The following PLEKHA5 variants were observed in gnomAD, a reference collection of about 807,000 sequenced individuals.
PLEKHA5 encodes pleckstrin homology domain-containing family A member 5.
PLEKHA5 carries 55 observed loss-of-function variants against 181.9 expected under a neutral mutation model. That is an observed-to-expected ratio of 0.30 (90% CI 0.24 to 0.38). The LOEUF is 0.38. Among genes scored for constraint, PLEKHA5 ranks in the 10% least tolerant of loss-of-function variants. The pLI is 1.00. For missense variants in PLEKHA5, 1,432 were observed against 1,549.5 expected (o/e 0.92, Z 1.27); for synonymous variants, 535 against 529.4 (o/e 1.01, Z -0.15).
chr12:19,286,244 C>G (rs1277509806), intron 12 of PLEKHA5, among the ~76,000 whole-genome samples: 1 of 152,054 alleles, frequency 6.6e-6, no homozygotes, highest in Non-Finnish European at 1.5e-5. Context: ...TTCCAGATGA[C>G]CAGTGTTTGA....
chr12:19,255,306 A>G, intron 5 of PLEKHA5, 141 bp downstream of exon 5: 1 of 473,572 alleles, frequency 2.1e-6, no homozygotes, highest in Non-Finnish European at 3.4e-6. Flanking sequence ...ATAAGAAGCA[A>G]CAGCCCGAAA....
chr12:19,184,693 T>G (rs529855260), intron 3 of PLEKHA5, among the ~76,000 whole-genome samples: 9 of 152,348 alleles, frequency 5.9e-5, no homozygotes, highest in South Asian at 4.1e-4. Context: ...ATGTTTGTTT[T>G]GAATATTTTG....
intron 6 of PLEKHA5, among the ~76,000 whole-genome samples, chr12:19,258,970 G>C (rs548727684): frequency 2.0e-4 from 31 of 152,168 alleles, no homozygotes; most frequent in African/African-American, 6.7e-4. Context: ...TACCCTAATG[G>C]CATTCCTTAT....
intron 25 of PLEKHA5, among the ~76,000 whole-genome samples, chr12:19,350,319 T>A (rs180781343): frequency 6.6e-6 from 1 of 152,324 alleles, no homozygotes; most frequent in Admixed American, 6.5e-5. Context: ...TCTGCCACTT[T>A]TAAAGGATTC....
intron 3 of PLEKHA5, among the ~76,000 whole-genome samples, chr12:19,172,972 T>C (rs2046272072): frequency 6.7e-6 from 1 of 150,194 alleles, no homozygotes; most frequent in African/African-American, 2.4e-5. Context: ...TTGTTTTTTT[T>C]TTTTTAAAGA....
intron 3 of PLEKHA5, among the ~76,000 whole-genome samples, chr12:19,172,571 C>T (rs1395907591): frequency 6.6e-6 from 1 of 152,150 alleles, no homozygotes; most frequent in African/African-American, 2.4e-5. Context: ...AAATTAAAAT[C>T]ACAGTTATAT....
chr12:19,205,787 T>C (rs1363325780), intron 3 of PLEKHA5, among the ~76,000 whole-genome samples: 1 of 152,132 alleles, frequency 6.6e-6, no homozygotes, highest in Non-Finnish European at 1.5e-5. Flanking sequence ...ATTTTTGTTC[T>C]TACATCTTAA....
In PLEKHA5 at chr12:19,277,719, A is replaced by G. The variant is rs532523998; in HGVS notation, c.1313+2736A>G. ...GGTGGAATGAAACAATTGTAATTCA[A>G]TATATAAATCATTTTTTAAAAAGCT... On this transcript the variant is annotated intron_variant, in intron 11 of 31. Transcript: ENST00000429027. Among the ~76,000 whole-genome samples the G allele has an allele frequency of 7.9e-5, 12 of 152,348 alleles. No homozygotes were observed. In the East Asian group the frequency reaches 1.3e-3, roughly 17 times the overall value.
At chr12:19,291,582 A>G in intron 14 of PLEKHA5, 62 bp from the exon 15 acceptor site, 1 of 965,264 alleles carries the variant, frequency 1.0e-6, no homozygotes, top group East Asian at 2.6e-5. Context: ...TCCAAAATTG[A>G]CCTTTTCTTG....
intron 18 of PLEKHA5, chr12:19,320,931 C>G: frequency 5.9e-6 from 1 of 168,404 alleles, no homozygotes; most frequent in Non-Finnish European, 1.3e-5. Flanking sequence ...CTTTGGGAAG[C>G]CGAGGCGGGC....
intron 15 of PLEKHA5, among the ~76,000 whole-genome samples, chr12:19,299,875 A>G (rs1437371929): frequency 2.0e-5 from 3 of 152,212 alleles, no homozygotes; most frequent in Non-Finnish European, 4.4e-5. Flanking sequence ...TACAAAAAAA[A>G]GTCTCTTTTT....
chr12:19,253,137 C>G (rs924701007), intron 3 of PLEKHA5, among the ~76,000 whole-genome samples: 2 of 125,460 alleles, frequency 1.6e-5, no homozygotes, highest in Non-Finnish European at 3.2e-5. Flanking sequence ...TGCAGTGGCA[C>G]AATCTCAGCT....
rs142981330 is a variant in PLEKHA5 at position 19,200,638 on chromosome 12, C to A, written c.228-53302C>A. 7 of 1,096,610 alleles carry A rather than the reference C, an allele frequency of 6.4e-6. No individual in the cohort carries two copies. The South Asian group carries it at 3.0e-4, about 47-fold the overall frequency. The allele number at this position is 1,096,610 out of a possible 1,614,324, so 67.9% of individuals were successfully genotyped here. A position where few individuals can be genotyped will look rare whatever the true frequency, so the allele number is the denominator to read the frequency against. On this transcript the variant is annotated intron_variant, in intron 3 of 31. Coordinates refer to ENST00000429027, the MANE Select transcript of PLEKHA5 (RefSeq NM_001256470.2). ...CATTAGCTTTTTCTTCCTCTTCAATCCAAATCTGTCTGTATCTTCATTCAT... is the reference window on the plus strand; with the variant it reads ...CATTAGCTTTTTCTTCCTCTTCAATACAAATCTGTCTGTATCTTCATTCAT...
At chr12:19,298,256 G>T (rs1382046789) in intron 15 of PLEKHA5, among the ~76,000 whole-genome samples, 8 of 151,890 alleles carry the variant, frequency 5.3e-5, no homozygotes, top group Admixed American at 2.6e-4. Flanking sequence ...CCTTGAGCAG[G>T]ATATGAAATA....
chr12:19,258,564 T>TTC (rs1036848215), intron 6 of PLEKHA5, among the ~76,000 whole-genome samples: 2 of 145,000 alleles, frequency 1.4e-5, no homozygotes, highest in African/African-American at 5.0e-5. Flanking sequence ...TCTTTTTCTT[T>TTC]TTTTTTTTTT....
At chr12:19,129,933 C>A in intron 1 of PLEKHA5, 45 bp downstream of exon 1, 1 of 1,540,512 alleles carries the variant, frequency 6.5e-7, no homozygotes, top group Non-Finnish European at 8.9e-7. Context: ...GGCGGGAGGG[C>A]AGGAGGCGGG....
rs1435739407 is a variant in PLEKHA5 at position 19,296,792 on chromosome 12, ACT to A, written c.2037+5099_2037+5100del. Among the ~76,000 whole-genome samples, 4 of 152,082 alleles carry A rather than the reference ACT, an allele frequency of 2.6e-5. No homozygotes were observed. The East Asian group carries it at 7.8e-4, about 30-fold the overall frequency. On this transcript the variant is annotated intron_variant, in intron 15 of 31. Transcript: ENST00000429027. ...AGCTGAAGACAGGAAGCAGTCAAAA[ACT>A]CTCCATGAGTGAAGAGGTAGCACTT...
chr12:19,245,684 G>A (rs1565511901), intron 3 of PLEKHA5, among the ~76,000 whole-genome samples: 2 of 123,094 alleles, frequency 1.6e-5, no homozygotes, highest in East Asian at 2.7e-4. Context: ...CCGAGATCAC[G>A]CCATTGCACT....
chr12:19,370,670 A>T (rs917625857), intron 31 of PLEKHA5: 21 of 151,936 alleles, frequency 1.4e-4, no homozygotes, highest in African/African-American at 3.9e-4. Flanking sequence ...TAGTACTAAC[A>T]TCTTTTTGTT....
Sources: gnomAD v4.1 joint callset for allele counts (sites outside exome capture counted in the v4.1 genomes callset) on GRCh38, gnomAD v4.1.1 for gene constraint, MANE v1.5 for transcripts, NCBI Gene and HGNC (gene_info 2026-07-23, HGNC 2026-07-21) for gene names.